TP63: variants seen among roughly 807,000 people sequenced by gnomAD.
The protein encoded by TP63 is tumor protein 63.
In TP63, 17 loss-of-function variants were observed where a neutral mutation model predicts 82.8. That is an observed-to-expected ratio of 0.21 (90% CI 0.14 to 0.31). TP63 has a LOEUF of 0.31. Among genes scored for constraint, TP63 ranks in the 10% least tolerant of loss-of-function variants. TP63 has a pLI of 1.00. For missense variants in TP63, 648 were observed against 895.3 expected (o/e 0.72, Z 3.52); for synonymous variants, 330 against 321.7 (o/e 1.03, Z -0.28).
chr3:189,673,113 A>G, intron 1 of TP63, among the ~76,000 whole-genome samples: 1 of 152,126 alleles, frequency 6.6e-6, no homozygotes, highest in Non-Finnish European at 1.5e-5. Context: ...AGTGCAGATT[A>G]CCGGCATGAG....
At chr3:189,646,750 T>G (rs1443300938) in intron 1 of TP63, among the ~76,000 whole-genome samples, 1 of 146,604 alleles carries the variant, frequency 6.8e-6, no homozygotes, top group Non-Finnish European at 1.5e-5. Flanking sequence ...AAAAACAAAG[T>G]CGAAAATAAA....
intron 1 of TP63, among the ~76,000 whole-genome samples, chr3:189,661,553 G>A (rs1479683480): frequency 6.6e-6 from 1 of 151,880 alleles, no homozygotes; most frequent in Admixed American, 6.6e-5. Flanking sequence ...TTTTGCCTTT[G>A]CGAGCTTTTG....
intron 3 of TP63, among the ~76,000 whole-genome samples, chr3:189,801,915 A>AT (rs1250400224): frequency 6.6e-6 from 1 of 152,230 alleles, no homozygotes; most frequent in Non-Finnish European, 1.5e-5. Flanking sequence ...TGAGTGACAT[A>AT]TTTTATACCT....
At chr3:189,696,541 A>G (rs1194803600) in intron 1 of TP63, among the ~76,000 whole-genome samples, 2 of 152,190 alleles carry the variant, frequency 1.3e-5, no homozygotes, top group East Asian at 3.8e-4. Flanking sequence ...TGTAAGTTTT[A>G]AATCAGTTGG....
At chr3:189,747,177 C>A (rs1274093338) in intron 3 of TP63, among the ~76,000 whole-genome samples, 1 of 151,988 alleles carries the variant, frequency 6.6e-6, no homozygotes, top group African/African-American at 2.4e-5. Flanking sequence ...ACTGCACTCA[C>A]AGCATTAGAG....
intron 11 of TP63, among the ~76,000 whole-genome samples, chr3:189,887,220 A>T (rs1335881993): frequency 6.6e-6 from 1 of 152,072 alleles, no homozygotes; most frequent in Non-Finnish European, 1.5e-5. Flanking sequence ...AAAAAAAAAA[A>T]AAAAATCTAG....
Position 189,866,044 on chromosome 3 carries a change from C to CT in TP63, c.767-630dup, listed in dbSNP as rs1362732079. Among the ~76,000 whole-genome samples, 19 of 151,976 alleles carry CT rather than the reference C, an allele frequency of 1.3e-4. No individual in the cohort carries two copies. In the East Asian group the frequency reaches 2.3e-3, roughly 19 times the overall value. On this transcript the variant is annotated intron_variant, in intron 5 of 13. Coordinates refer to ENST00000264731, the MANE Select transcript of TP63 (RefSeq NM_003722.5). The stretch of plus-strand genomic sequence containing the variant: ...CGGGTCCCAGTTCTTGGAGCATCTT[C>CT]TTTTTTTTGGAGCTCTGCTAAATAT...
the TP63 span, among the ~76,000 whole-genome samples, chr3:189,602,732 T>A: frequency 6.6e-6 from 1 of 152,172 alleles, no homozygotes; most frequent in Admixed American, 6.5e-5. Flanking sequence ...TACACTCTTT[T>A]TGTACCAGAA....
chr3:189,602,162 C>T, the TP63 span, among the ~76,000 whole-genome samples: 1 of 152,092 alleles, frequency 6.6e-6, no homozygotes, highest in African/African-American at 2.4e-5. Context: ...TTCTCAGACG[C>T]TTCACAGAAA....
At chr3:189,817,754 AAG>A (rs1347599898) in intron 4 of TP63, among the ~76,000 whole-genome samples, 1 of 151,998 alleles carries the variant, frequency 6.6e-6, no homozygotes, top group Admixed American at 6.6e-5. Context: ...TCTGATGTAA[AAG>A]AGTTTCTTCT....
chr3:189,695,580 A>G (rs1717314483), intron 1 of TP63, among the ~76,000 whole-genome samples: 1 of 152,198 alleles, frequency 6.6e-6, no homozygotes, highest in African/African-American at 2.4e-5. Flanking sequence ...AAGGAAATAT[A>G]TGGATATATA....
intron 3 of TP63, among the ~76,000 whole-genome samples, chr3:189,806,577 C>T (rs1490612082): frequency 6.6e-6 from 1 of 152,048 alleles, no homozygotes; most frequent in Non-Finnish European, 1.5e-5. Context: ...TTTTTTGTCC[C>T]CTAGTTGTCT....
At chr3:189,737,646 C>T (rs183825223) in intron 1 of TP63, 94 bp from the exon 2 acceptor site, 50 of 1,434,520 alleles carry the variant, frequency 3.5e-5, no homozygotes, top group Non-Finnish European at 1.1e-5. Flanking sequence ...TATAGATTCA[C>T]TTGATGTTTT....
chr3:189,740,022 T>C (rs1420945468), intron 3 of TP63, among the ~76,000 whole-genome samples: 2 of 151,860 alleles, frequency 1.3e-5, no homozygotes, highest in Non-Finnish European at 2.9e-5. Flanking sequence ...AGAAAGTCAA[T>C]GGGAGAAAGT....
At chr3:189,706,167 T>C (rs986557532) in intron 1 of TP63, among the ~76,000 whole-genome samples, 2 of 152,216 alleles carry the variant, frequency 1.3e-5, no homozygotes, top group Non-Finnish European at 1.5e-5. Context: ...CAAACAGTTG[T>C]TACACAGTAT....
intron 1 of TP63, among the ~76,000 whole-genome samples, chr3:189,731,363 G>T (rs1453076702): frequency 6.6e-6 from 1 of 151,994 alleles, no homozygotes; most frequent in East Asian, 1.9e-4. Context: ...GAAAAAAAAA[G>T]AACACTTAGG....
At chr3:189,825,373 A>C (rs148074512) in intron 4 of TP63, among the ~76,000 whole-genome samples, 4 of 152,348 alleles carry the variant, frequency 2.6e-5, no homozygotes, top group African/African-American at 9.6e-5. Flanking sequence ...TATGAAGTAG[A>C]TAGAAAAGTA....
rs367994163 is a variant in TP63 at position 189,848,218 on chromosome 3, G to GCCT, written c.580-15995_580-15993dup. ...TTTTCCTTTTCCTTTTCCTCCCTCTGCCTCCTCCTCCTCCTCCTCCTTCTC... is the reference window on the plus strand; with the variant it reads ...TTTTCCTTTTCCTTTTCCTCCCTCTGCCTCCTCCTCCTCCTCCTCCTCCTTCTC... On this transcript the variant is annotated intron_variant, in intron 4 of 13. Coordinates refer to ENST00000264731, the MANE Select transcript of TP63 (RefSeq NM_003722.5). Among the ~76,000 whole-genome samples the GCCT allele has an allele frequency of 3.3e-3, 348 of 105,414 alleles. 3 individuals are homozygous for GCCT. The highest frequency in any genetic ancestry group is 9.1e-3 in the African/African-American group (258 of 28,240). 69.2% of individuals were successfully genotyped at this position (105,414 alleles called of 152,430 possible). A position where few individuals can be genotyped will look rare whatever the true frequency, so the allele number is the denominator to read the frequency against.
chr3:189,803,023 G>A (rs907759836), intron 3 of TP63, among the ~76,000 whole-genome samples: 13 of 152,284 alleles, frequency 8.5e-5, no homozygotes, highest in African/African-American at 3.1e-4. Context: ...TCTTGGCCAG[G>A]TGTGGTGTCT....
Sources: allele counts gnomAD v4.1 joint callset (sites outside exome capture counted in the v4.1 genomes callset), GRCh38; gene constraint gnomAD v4.1.1; transcripts MANE v1.5; gene names NCBI Gene and HGNC (gene_info 2026-07-23, HGNC 2026-07-21).